Variants in NIPBL observed in about 807,000 individuals in gnomAD.
NIPBL encodes nipped-B-like protein.
In NIPBL, 19 loss-of-function variants were observed where a neutral mutation model predicts 321.8. That is an observed-to-expected ratio of 0.06 (90% CI 0.04 to 0.09). The LOEUF (loss-of-function observed/expected upper bound fraction) is 0.09. NIPBL is among the 10% of genes least tolerant of loss of function. The pLI is 1.00. For missense variants in NIPBL, 2,210 were observed against 3,327.0 expected, an observed-to-expected ratio of 0.66 and a Z score of 8.26; for synonymous variants, 1,106 against 1,114.1, an observed-to-expected ratio of 0.99 and a Z score of 0.14.
intron 1 of NIPBL, among the ~76,000 whole-genome samples, chr5:36,877,634 C>T (rs1224439806): frequency 6.6e-6 from 1 of 152,212 alleles, no homozygotes; most frequent in East Asian, 1.9e-4. Flanking sequence ...GAGTGGGGAA[C>T]GTCCCAGTGA....
At chr5:37,038,815 A>G (rs535960721) in intron 34 of NIPBL, 77 bp downstream of exon 34, 361 of 1,428,528 alleles carry the variant, frequency 2.5e-4, no homozygotes, top group Non-Finnish European at 3.3e-4. Context: ...ACATGCGTCA[A>G]CCACATTCTC....
chr5:37,023,795 C>G (rs1436351415), intron 29 of NIPBL, among the ~76,000 whole-genome samples: 2 of 114,360 alleles, frequency 1.7e-5, no homozygotes, highest in African/African-American at 7.0e-5. Flanking sequence ...ATGACATTGA[C>G]GGATTAAAAA....
At chr5:36,884,183 A>G (rs1745712780) in intron 1 of NIPBL, among the ~76,000 whole-genome samples, 2 of 151,852 alleles carry the variant, frequency 1.3e-5, no homozygotes, top group Admixed American at 1.3e-4. Context: ...TTTCACTATC[A>G]ATGTCCATTT....
intron 1 of NIPBL, among the ~76,000 whole-genome samples, chr5:36,898,241 T>G (rs1746926912): frequency 6.6e-6 from 1 of 152,182 alleles, no homozygotes; most frequent in Non-Finnish European, 1.5e-5. Context: ...TTTAATAAGT[T>G]GTATCCTCTA....
intron 41 of NIPBL, 75 bp from the exon 42 acceptor site, chr5:37,052,291 T>A: frequency 8.7e-7 from 1 of 1,145,956 alleles, no homozygotes; most frequent in Middle Eastern, 2.3e-4. Context: ...AGCCTCAGAA[T>A]GTAATGCTCT....
intron 31 of NIPBL, 46 bp from the exon 32 acceptor site, chr5:37,027,313 C>A: frequency 2.9e-6 from 4 of 1,370,472 alleles, no homozygotes; most frequent in Non-Finnish European, 4.2e-6. Flanking sequence ...ATTTTATTCA[C>A]ATTTATAAAT....
At chr5:36,886,023 A>G (rs1745877457) in intron 1 of NIPBL, 2 of 716,314 alleles carry the variant, frequency 2.8e-6, no homozygotes, top group Non-Finnish European at 2.6e-6. Context: ...TGGTCTCAGC[A>G]GATTGAGGAG....
At chr5:36,901,015 C>A (rs966838644) in intron 1 of NIPBL, among the ~76,000 whole-genome samples, 1 of 151,982 alleles carries the variant, frequency 6.6e-6, no homozygotes, top group South Asian at 2.1e-4. Flanking sequence ...AATTGCGAGT[C>A]GCAGGGGGTT....
intron 6 of NIPBL, among the ~76,000 whole-genome samples, chr5:36,970,379 T>TA (rs972664210): frequency 7.5e-5 from 11 of 145,896 alleles, no homozygotes; most frequent in East Asian, 2.0e-4. Flanking sequence ...GAGCTGTCTG[T>TA]AAAAAAAATA....
intron 1 of NIPBL, among the ~76,000 whole-genome samples, chr5:36,917,955 C>T (rs1170891630): frequency 6.6e-6 from 1 of 152,150 alleles, no homozygotes; most frequent in Non-Finnish European, 1.5e-5. Flanking sequence ...AGTCAGGTAG[C>T]ATGATGCCTC....
intron 1 of NIPBL, chr5:36,885,931 G>A: frequency 1.4e-6 from 1 of 737,050 alleles, no homozygotes; most frequent in South Asian, 1.4e-5. Flanking sequence ...CCAAATCTCA[G>A]GACCTCGCCA....
At chr5:36,885,540 G>A (rs1416781865) in intron 1 of NIPBL, 7 of 524,332 alleles carry the variant, frequency 1.3e-5, no homozygotes, top group African/African-American at 5.8e-5. Flanking sequence ...AGCAACACCC[G>A]GGAGCACCTG....
intron 34 of NIPBL, 145 bp downstream of exon 34, chr5:37,038,883 CTA>C (rs1175517105): frequency 3.4e-6 from 3 of 893,234 alleles, no homozygotes; most frequent in Non-Finnish European, 5.1e-6. Context: ...AGCAAGTGAT[CTA>C]TAAACATCAA....
Position 37,058,876 on chromosome 5 carries a change from G to T in NIPBL, c.7411-15G>T, listed in dbSNP as rs374348403. The T allele has an allele frequency of 1.9e-6, 3 of 1,612,318 alleles. No homozygotes were observed. The highest frequency in any genetic ancestry group is 1.1e-5 in the South Asian group (1 of 90,834). ...ATTTTGTTTTTATTGTTTATCAAAC[G>T]ATTTTTTCTTTCAGTCTATGGTAAA... is the stretch of plus-strand genomic sequence containing the variant. On this transcript the variant is annotated splice_polypyrimidine_tract_variant and intron_variant, in intron 43 of 46. Transcript: ENST00000282516.
At chr5:37,004,118 A>G (rs1310352986) in intron 16 of NIPBL, among the ~76,000 whole-genome samples, 1 of 152,188 alleles carries the variant, frequency 6.6e-6, no homozygotes, top group Non-Finnish European at 1.5e-5. Context: ...TAATTCATGT[A>G]AAGCACTTAG....
In NIPBL at chr5:37,060,812, T is replaced by A. The variant is rs981329959; in HGVS notation, c.7686-32T>A. ...CTCCAAATACGTTGTTTCCATAGTT[T>A]TAAAGTTTTTGGTTTTGTTTTCCCA... On this transcript the variant is annotated intron_variant, in intron 44 of 46. Coordinates refer to ENST00000282516, the MANE Select transcript of NIPBL (RefSeq NM_133433.4). 4 of 1,594,458 alleles carry A rather than the reference T, an allele frequency of 2.5e-6. No individual in the cohort carries two copies. The South Asian group carries it at 3.3e-5, about 13-fold the overall frequency.
intron 10 of NIPBL, among the ~76,000 whole-genome samples, chr5:36,990,570 G>C (rs1279104830): frequency 1.3e-5 from 2 of 152,090 alleles, no homozygotes; most frequent in African/African-American, 2.4e-5. Context: ...TTCAGTTTCT[G>C]TAAAGATTGA....
intron 1 of NIPBL, among the ~76,000 whole-genome samples, chr5:36,909,295 G>C (rs1747869153): frequency 6.6e-6 from 1 of 152,172 alleles, no homozygotes; most frequent in Non-Finnish European, 1.5e-5. Context: ...TTAATTTCAT[G>C]TCATAGTGTT....
chr5:36,953,829 C>A, intron 2 of NIPBL, 69 bp downstream of exon 2: 4 of 1,310,194 alleles, frequency 3.1e-6, no homozygotes, highest in Non-Finnish European at 4.4e-6. Context: ...AGTGACTGTT[C>A]TAAAAATTAT....
Sources: gnomAD v4.1 joint callset for allele counts (sites outside exome capture counted in the v4.1 genomes callset) on GRCh38, gnomAD v4.1.1 for gene constraint, MANE v1.5 for transcripts, NCBI Gene and HGNC (gene_info 2026-07-23, HGNC 2026-07-21) for gene names.